ACYP2: variants seen among roughly 807,000 people sequenced by gnomAD.
The protein encoded by ACYP2 is acylphosphatase-2.
A neutral mutation model predicts 11.2 loss-of-function variants in ACYP2; 12 were observed. The observed-to-expected ratio is 1.08, with a 90% confidence interval of 0.69 to 1.74. The LOEUF (loss-of-function observed/expected upper bound fraction) is 1.74. Among genes scored for constraint, ACYP2 ranks in the 40% most tolerant of loss-of-function variants. The pLI is 0.00. For synonymous variants in ACYP2, 43 were observed against 32.2 expected (o/e 1.33, Z -1.13); for missense variants, 134 against 101.9 (o/e 1.31, Z -1.35).
chr2:53,982,134 C>G (rs772627888), intron 2 of ACYP2, among the ~76,000 whole-genome samples: 1 of 152,148 alleles, frequency 6.6e-6, no homozygotes, highest in African/African-American at 2.4e-5. Context: ...AGGACGTACA[C>G]TCTTTCCACC....
intron 4 of ACYP2, among the ~76,000 whole-genome samples, chr2:54,097,387 C>T (rs957307349): frequency 1.3e-5 from 2 of 152,238 alleles, no homozygotes; most frequent in African/African-American, 4.8e-5. Flanking sequence ...CATTGCAGGA[C>T]TCAGTAAGTA....
At chr2:53,973,691 C>G in intron 1 of ACYP2, 1 of 262,024 alleles carries the variant, frequency 3.8e-6, no homozygotes, top group Non-Finnish European at 7.1e-6. Flanking sequence ...ATCCCAACAC[C>G]CTTTGCTGAC....
At chr2:54,172,163 A>G (rs1683247354) in intron 6 of ACYP2, among the ~76,000 whole-genome samples, 1 of 152,120 alleles carries the variant, frequency 6.6e-6, no homozygotes, top group Admixed American at 6.6e-5. Flanking sequence ...GGCTGCAGTG[A>G]GCTATAATTG....
chr2:54,017,677 G>T (rs1469140122), intron 2 of ACYP2, among the ~76,000 whole-genome samples: 1 of 152,108 alleles, frequency 6.6e-6, no homozygotes, highest in Non-Finnish European at 1.5e-5. Context: ...AGGAGTCAGT[G>T]GCTCTGTAAT....
At chr2:54,062,807 C>G (rs183544586) in intron 4 of ACYP2, among the ~76,000 whole-genome samples, 223 of 152,214 alleles carry the variant, frequency 1.5e-3, no homozygotes, top group African/African-American at 5.2e-3. Context: ...TCACTTTAGG[C>G]AAGGTCACAG....
At chr2:54,166,783 GC>G (rs1319444778) in intron 6 of ACYP2, among the ~76,000 whole-genome samples, 16 of 151,902 alleles carry the variant, frequency 1.1e-4, no homozygotes. Flanking sequence ...CACCTTCCAA[GC>G]CCCCCACCTC....
intron 1 of ACYP2, among the ~76,000 whole-genome samples, chr2:53,972,884 G>A (rs1337232747): frequency 6.6e-6 from 1 of 152,206 alleles, no homozygotes; most frequent in Non-Finnish European, 1.5e-5. Flanking sequence ...CTATGGGATG[G>A]GTATGTTGAC....
intron 2 of ACYP2, among the ~76,000 whole-genome samples, chr2:53,984,920 C>G (rs1227136210): frequency 6.6e-6 from 1 of 151,948 alleles, no homozygotes; most frequent in Non-Finnish European, 1.5e-5. Context: ...TTATCAAGCT[C>G]TGTACCTAAC....
At chr2:54,269,393 T>A (rs1411715126) in intron 6 of ACYP2, among the ~76,000 whole-genome samples, 1 of 152,224 alleles carries the variant, frequency 6.6e-6, no homozygotes, top group Non-Finnish European at 1.5e-5. Context: ...GACCTTTATC[T>A]AAATCCAGGC....
At chr2:54,115,321 T>C in intron 4 of ACYP2, 1 of 491,448 alleles carries the variant, frequency 2.0e-6, no homozygotes, top group Non-Finnish European at 3.6e-6. Context: ...TACACTTTAA[T>C]AAAGCTGGGG....
intron 6 of ACYP2, among the ~76,000 whole-genome samples, chr2:54,266,590 C>CTTTTTTTTTTTTTTTTTTT (rs138812389): frequency 5.7e-5 from 3 of 52,270 alleles, no homozygotes; most frequent in African/African-American, 1.5e-4. Flanking sequence ...ATCTATCTAT[C>CTTTTTTTTTTTTTTTTTTT]TTTTTTTTTT....
At chr2:54,186,847 T>A (rs1359698192) in intron 6 of ACYP2, among the ~76,000 whole-genome samples, 1 of 152,112 alleles carries the variant, frequency 6.6e-6, no homozygotes, top group Non-Finnish European at 1.5e-5. Context: ...AAAATTATAA[T>A]TCGTGTTCAG....
intron 6 of ACYP2, among the ~76,000 whole-genome samples, chr2:54,237,500 A>T (rs1282913570): frequency 6.6e-6 from 1 of 151,978 alleles, no homozygotes; most frequent in Non-Finnish European, 1.5e-5. Flanking sequence ...TTTTTTCTCT[A>T]CTTCATTATT....
At chr2:54,083,222 T>A (rs1677761519) in intron 4 of ACYP2, among the ~76,000 whole-genome samples, 1 of 152,200 alleles carries the variant, frequency 6.6e-6, no homozygotes, top group African/African-American at 2.4e-5. Context: ...CAAATGTTAG[T>A]CTGCTGCCAC....
intron 6 of ACYP2, among the ~76,000 whole-genome samples, chr2:54,236,722 T>C (rs1686494055): frequency 1.3e-5 from 2 of 152,224 alleles, no homozygotes; most frequent in South Asian, 4.1e-4. Flanking sequence ...ATTGTTCAAA[T>C]TTTACATATC....
At chr2:54,262,951 G>A (rs563987137) in intron 6 of ACYP2, among the ~76,000 whole-genome samples, 1 of 152,268 alleles carries the variant, frequency 6.6e-6, no homozygotes, top group East Asian at 1.9e-4. Flanking sequence ...TGGGTGTAGT[G>A]GCTCATGCCT....
At chr2:54,217,361 GT>G (rs1024701923) in intron 6 of ACYP2, among the ~76,000 whole-genome samples, 1 of 151,948 alleles carries the variant, frequency 6.6e-6, no homozygotes, top group African/African-American at 2.4e-5. Flanking sequence ...ACAGCTCTAG[GT>G]TTTTTGTTTG....
At chr2:54,077,598 G>T (rs1327426729) in intron 4 of ACYP2, among the ~76,000 whole-genome samples, 2 of 152,196 alleles carry the variant, frequency 1.3e-5, no homozygotes, top group Non-Finnish European at 2.9e-5. Flanking sequence ...TGGTAACCAG[G>T]CAGAGAAGTG....
At chr2:54,148,165 C>T (rs1292498661) in intron 6 of ACYP2, among the ~76,000 whole-genome samples, 5 of 152,026 alleles carry the variant, frequency 3.3e-5, no homozygotes, top group African/African-American at 4.8e-5. Flanking sequence ...CAGATATCTA[C>T]TTGTGTTCCA....
Sources: gnomAD v4.1 joint callset for allele counts (sites outside exome capture counted in the v4.1 genomes callset) on GRCh38, gnomAD v4.1.1 for gene constraint, MANE v1.5 for transcripts, NCBI Gene and HGNC (gene_info 2026-07-23, HGNC 2026-07-21) for gene names.